Variants in RAPGEF4 observed in about 807,000 individuals in gnomAD.
RAPGEF4 encodes RAP guanine-nucleotide-exchange factor (GEF) 4.
A neutral mutation model predicts 147.9 loss-of-function variants in RAPGEF4; 66 were observed. The observed-to-expected ratio is 0.45, with a 90% confidence interval of 0.37 to 0.55. The LOEUF (loss-of-function observed/expected upper bound fraction) is 0.55. Among genes scored for constraint, RAPGEF4 ranks in the 20% least tolerant of loss-of-function variants. RAPGEF4 has a pLI of 0.00. For synonymous variants in RAPGEF4, 419 were observed against 442.7 expected, an observed-to-expected ratio of 0.95 and a Z score of 0.67; for missense variants, 1,071 against 1,257.3, an observed-to-expected ratio of 0.85 and a Z score of 2.24.
At chr2:172,746,531 C>T (rs1288282945) in intron 1 of RAPGEF4, among the ~76,000 whole-genome samples, 1 of 152,070 alleles carries the variant, frequency 6.6e-6, no homozygotes, top group Non-Finnish European at 1.5e-5. Flanking sequence ...AAATAATTTT[C>T]TAAAAACACT....
rs147443792 is a variant in RAPGEF4 at position 172,895,500 on chromosome 2, A to G, written c.445-22302A>G. On this transcript the variant is annotated intron_variant, in intron 4 of 30. Coordinates refer to ENST00000397081, the MANE Select transcript of RAPGEF4 (RefSeq NM_007023.4). ...CTGCATTTGTTGATTTGTCATTTACATGAACAAGCCCCCAAAAAGGCTTAT... is the reference window on the plus strand; with the variant it reads ...CTGCATTTGTTGATTTGTCATTTACGTGAACAAGCCCCCAAAAAGGCTTAT... Among the ~76,000 whole-genome samples the G allele has an allele frequency of 2.0e-3, 312 of 152,348 alleles. 1 individual carries two copies. Among genetic ancestry groups the G allele is most frequent in the Admixed American group, 4.5e-3 (69 of 15,300 alleles).
chr2:172,870,299 T>C (rs1695094275), intron 4 of RAPGEF4, among the ~76,000 whole-genome samples: 1 of 152,314 alleles, frequency 6.6e-6, no homozygotes, highest in Middle Eastern at 3.4e-3. Context: ...AATCAATCTA[T>C]CTAATTCTAT....
At chr2:172,941,334 G>A (rs1393949138) in intron 6 of RAPGEF4, among the ~76,000 whole-genome samples, 2 of 152,066 alleles carry the variant, frequency 1.3e-5, no homozygotes, top group African/African-American at 4.8e-5. Flanking sequence ...AGCATTATTT[G>A]TAATGGTGGC....
chr2:172,835,023 T>C (rs917957967), intron 4 of RAPGEF4, among the ~76,000 whole-genome samples: 1 of 152,218 alleles, frequency 6.6e-6, no homozygotes, highest in African/African-American at 2.4e-5. Flanking sequence ...CCCCACTAGC[T>C]GACACCAGTA....
chr2:172,987,111 G>A (rs375411441), intron 12 of RAPGEF4, among the ~76,000 whole-genome samples: 77 of 152,186 alleles, frequency 5.1e-4, no homozygotes, highest in African/African-American at 1.8e-3. Context: ...CCAGGAGTTC[G>A]AGATCAGCCT....
At chr2:172,843,352 A>G (rs1691825965) in intron 4 of RAPGEF4, among the ~76,000 whole-genome samples, 1 of 152,226 alleles carries the variant, frequency 6.6e-6, no homozygotes, top group South Asian at 2.1e-4. Flanking sequence ...GTTTTCCAAC[A>G]GAATTTGCCG....
At position 173,018,803 on chromosome 2, in the gene RAPGEF4, G is replaced by A; in HGVS notation, c.2155+1G>A. On this transcript the variant is annotated splice_donor_variant, in intron 22 of 30. Coordinates refer to ENST00000397081, the MANE Select transcript of RAPGEF4 (RefSeq NM_007023.4). LOFTEE classifies it high-confidence loss of function. ...ATAGTCAAGATGAGTTCCGGAGGAG[G>A]TAACAGTCTTAATTCATATTTTAGG... is the stretch of plus-strand genomic sequence containing the variant. 6.2e-7 allele frequency: 1 copy of A among 1,612,842 alleles called. No homozygotes were observed. Among genetic ancestry groups the A allele is most frequent in the Non-Finnish European group, 8.5e-7 (1 of 1,179,632 alleles).
At chr2:172,850,920 G>T (rs948565476) in intron 4 of RAPGEF4, among the ~76,000 whole-genome samples, 1 of 151,980 alleles carries the variant, frequency 6.6e-6, no homozygotes, top group Non-Finnish European at 1.5e-5. Flanking sequence ...CTTTTGTATG[G>T]TTTTTTGCAT....
At chr2:172,868,929 G>A (rs1438156618) in intron 4 of RAPGEF4, among the ~76,000 whole-genome samples, 1 of 152,152 alleles carries the variant, frequency 6.6e-6, no homozygotes, top group African/African-American at 2.4e-5. Context: ...ACGAGAGCTG[G>A]AGCAAGAGAG....
At chr2:172,885,548 A>C (rs1318674924) in intron 4 of RAPGEF4, among the ~76,000 whole-genome samples, 1 of 152,220 alleles carries the variant, frequency 6.6e-6, no homozygotes, top group Non-Finnish European at 1.5e-5. Context: ...GGAAGGCCTC[A>C]TAATCATGGC....
rs555280770 is a variant in RAPGEF4 at position 172,743,322 on chromosome 2, G to C, written c.65+7274G>C. On this transcript the variant is annotated intron_variant, in intron 1 of 30. Coordinates refer to ENST00000397081, the MANE Select transcript of RAPGEF4 (RefSeq NM_007023.4). ...AACAATCTGGCTGACGAGCGGAGGC[G>C]GACAATCCTGGTGTGTTGACTCAGC... 3.9e-5 allele frequency among the ~76,000 whole-genome samples: 6 copies of C among 152,246 alleles called. No individual in the cohort carries two copies. The South Asian group carries it at 8.3e-4, about 21-fold the overall frequency.
rs187183220 is a variant in RAPGEF4, at chr2:173,050,593, C to T, written c.2909-1047C>T. ...GGTCTGGCTCTGCCACTCCGGGTGT[C>T]CCCTTAGACCAGAGGCCCTACCCAG... On this transcript the variant is annotated intron_variant, in intron 30 of 30. Coordinates refer to ENST00000397081, the MANE Select transcript of RAPGEF4 (RefSeq NM_007023.4). Among the ~76,000 whole-genome samples, 10 of 152,240 alleles carry T rather than the reference C, an allele frequency of 6.6e-5. No individual in the cohort carries two copies. The East Asian group carries it at 1.7e-3, about 26-fold the overall frequency.
intron 10 of RAPGEF4, among the ~76,000 whole-genome samples, chr2:172,975,600 T>C (rs1273613551): frequency 1.3e-5 from 2 of 152,240 alleles, no homozygotes; most frequent in Non-Finnish European, 2.9e-5. Flanking sequence ...AAGTGTGTCC[T>C]CACTAGTGAA....
At chr2:173,026,127 C>T (rs1311475768) in intron 23 of RAPGEF4, among the ~76,000 whole-genome samples, 1 of 152,182 alleles carries the variant, frequency 6.6e-6, no homozygotes. Flanking sequence ...TTACCATGGC[C>T]ACCGGCAGCA....
intron 8 of RAPGEF4, 167 bp from the exon 9 acceptor site, chr2:172,965,395 G>A: frequency 1.3e-6 from 1 of 759,752 alleles, no homozygotes; most frequent in Non-Finnish European, 2.2e-6. Flanking sequence ...GCTTGTATTA[G>A]CATTTGAGAA....
chr2:172,783,370 C>A (rs1684866169), intron 1 of RAPGEF4, among the ~76,000 whole-genome samples: 1 of 152,174 alleles, frequency 6.6e-6, no homozygotes, highest in Non-Finnish European at 1.5e-5. Flanking sequence ...CCTCTTCATT[C>A]TTTCACAGAG....
At chr2:172,794,503 G>T (rs761821006) in intron 1 of RAPGEF4, among the ~76,000 whole-genome samples, 1 of 152,102 alleles carries the variant, frequency 6.6e-6, no homozygotes, top group African/African-American at 2.4e-5. Flanking sequence ...TGCTCCCTGC[G>T]GACAGTCCCG....
chr2:173,028,597 C>A (rs1671338657), intron 25 of RAPGEF4, among the ~76,000 whole-genome samples: 2 of 152,064 alleles, frequency 1.3e-5, no homozygotes, highest in African/African-American at 4.8e-5. Context: ...CCTCTCCCTT[C>A]TGTTTAGGTG....
At chr2:172,880,051 G>A (rs929088523) in intron 4 of RAPGEF4, among the ~76,000 whole-genome samples, 1 of 152,128 alleles carries the variant, frequency 6.6e-6, no homozygotes, top group Non-Finnish European at 1.5e-5. Flanking sequence ...AAATGAGGTG[G>A]CCATCACAAA....
Sources: gnomAD v4.1 joint callset for allele counts (sites outside exome capture counted in the v4.1 genomes callset) on GRCh38, gnomAD v4.1.1 for gene constraint, MANE v1.5 for transcripts, NCBI Gene and HGNC (gene_info 2026-07-23, HGNC 2026-07-21) for gene names.